The following LAMB3 variants were observed in gnomAD, a reference collection of about 807,000 sequenced individuals.
The protein encoded by LAMB3 is laminin subunit beta 3, also known as laminin subunit beta-3.
Under a neutral mutation model 140.3 loss-of-function variants are expected in LAMB3, and 104 were observed. The observed-to-expected ratio is 0.74, with a 90% confidence interval of 0.63 to 0.87. LAMB3 has a LOEUF of 0.87. LAMB3 is among the 40% of genes least tolerant of loss of function. The pLI is 0.00. For synonymous variants in LAMB3, 592 were observed against 602.9 expected, an observed-to-expected ratio of 0.98 and a Z score of 0.26; for missense variants, 1,531 against 1,575.2, an observed-to-expected ratio of 0.97 and a Z score of 0.47.
chr1:209,643,773 C>T (rs1484108191), intron 3 of LAMB3, among the ~76,000 whole-genome samples: 2 of 149,906 alleles, frequency 1.3e-5, no homozygotes, highest in Admixed American at 6.7e-5. Flanking sequence ...TAAGAAGCTA[C>T]GATCGGGTCA....
At chr1:209,646,760 G>A (rs549296307) in intron 3 of LAMB3, among the ~76,000 whole-genome samples, 57 of 152,364 alleles carry the variant, frequency 3.7e-4, no homozygotes, top group Admixed American at 2.5e-3. Context: ...GGATAGAACA[G>A]TTTGCATCTG....
chr1:209,645,775 T>G (rs1484163735), intron 3 of LAMB3, among the ~76,000 whole-genome samples: 1 of 150,006 alleles, frequency 6.7e-6, no homozygotes, highest in Admixed American at 6.6e-5. Flanking sequence ...CAAAATCCCT[T>G]GTGGGTTGAG....
chr1:209,647,744 A>G lies in LAMB3; in HGVS notation c.183+2220T>C, dbSNP rs1403026721. 3.9e-5 allele frequency among the ~76,000 whole-genome samples: 6 copies of G among 152,250 alleles called. 1 individual carries two copies. The highest frequency in any genetic ancestry group is 8.8e-5 in the Non-Finnish European group (6 of 68,018). On this transcript the variant is annotated intron_variant, in intron 3 of 22. Coordinates refer to ENST00000356082, the MANE Select transcript of LAMB3 (RefSeq NM_000228.3). The stretch of plus-strand genomic sequence containing the variant: ...CTATCTCTAACTACTCAGAAAACTC[A>G]ATACACGATATGTTTCTCTCGGAAG...
In LAMB3 at chr1:209,622,540, T is replaced by C. The variant is rs115431256; in HGVS notation, c.2697A>G (p.Leu899=). The stretch of plus-strand genomic sequence containing the variant: ...TGGGGTGGAGACTGGGCTCACCTGT[T>C]AGGAAGTCCCGGACCTGCTGGATTA... ...RLLIQQVRDF[L]TDPDTDAATI... The change falls in exon 18 of 23, where the codon CTA becomes CTG. Residue 899 remains leucine (L), a synonymous_variant. Transcript: ENST00000356082. 2.4e-5 allele frequency: 38 copies of C among 1,613,796 alleles called. No individual in the cohort carries two copies. The East Asian group carries it at 7.4e-4, about 31-fold the overall frequency.
intron 5 of LAMB3, among the ~76,000 whole-genome samples, chr1:209,636,666 C>T (rs1325204325): frequency 6.6e-6 from 1 of 152,170 alleles, no homozygotes; most frequent in Non-Finnish European, 1.5e-5. Context: ...CAGTCATATA[C>T]CTCATCTTCT....
chr1:209,637,823 C>G, intron 5 of LAMB3, 85 bp downstream of exon 5: 1 of 1,084,784 alleles, frequency 9.2e-7, no homozygotes, highest in South Asian at 1.3e-5. Flanking sequence ...CCCAGAGAGA[C>G]AAGGACACTG....
Position 209,625,989 on chromosome 1 carries a change from G to GC in LAMB3, c.1634dup (p.Cys546LeufsTer20). On this transcript the variant is annotated frameshift_variant, in exon 14 of 23. Coordinates refer to ENST00000356082, the MANE Select transcript of LAMB3 (RefSeq NM_000228.3). LOFTEE classifies it high-confidence loss of function. Reference sequence around the variant, plus strand: ...GGCAGCGGCCTGATGCCTTGTCGCAGCCCGGGCCCTCTGTTCCCCGGAAAT... The same window carrying GC: ...GGCAGCGGCCTGATGCCTTGTCGCAGCCCCGGGCCCTCTGTTCCCCGGAAAT... The GC allele has an allele frequency of 6.2e-7, 1 of 1,613,330 alleles. No individual in the cohort carries two copies.
chr1:209,641,732 C>T lies in LAMB3; in HGVS notation c.184-3084G>A, dbSNP rs141856676. 4.0e-3 allele frequency among the ~76,000 whole-genome samples: 611 copies of T among 152,330 alleles called. 5 individuals are homozygous for T. The highest frequency in any genetic ancestry group is 0.014 in the African/African-American group (579 of 41,566). ...CTCAGTTACCACAGAAACTGGAGACCTGTCGCTGGCTGAAATACCTGAGCA... is the reference window on the plus strand; with the variant it reads ...CTCAGTTACCACAGAAACTGGAGACTTGTCGCTGGCTGAAATACCTGAGCA... On this transcript the variant is annotated intron_variant, in intron 3 of 22. Transcript: ENST00000356082.
intron 4 of LAMB3, 70 bp downstream of exon 4, chr1:209,638,464 G>A: frequency 9.9e-7 from 1 of 1,013,662 alleles, no homozygotes; most frequent in Non-Finnish European, 1.6e-6. Context: ...AAGGGTTATA[G>A]GGCACCTTCC....
intron 13 of LAMB3, 89 bp downstream of exon 13, chr1:209,626,778 C>T: frequency 1.1e-6 from 1 of 908,026 alleles, no homozygotes; most frequent in Non-Finnish European, 1.8e-6. Flanking sequence ...GACATCCTGC[C>T]CTGCTGCAGA....
At chr1:209,620,792 C>G (rs912315972) in intron 18 of LAMB3, among the ~76,000 whole-genome samples, 4 of 152,182 alleles carry the variant, frequency 2.6e-5, no homozygotes, top group Non-Finnish European at 5.9e-5. Context: ...ACTTAATAAG[C>G]CTTAACTATT....
Position 209,650,914 on chromosome 1 carries a change from T to TA in LAMB3, c.28+2dup, listed in dbSNP as rs1427046204. The stretch of plus-strand genomic sequence containing the variant: ...GCCTGGAAGGATGGGAAGGGGTACT[T>TA]ACCAAAACACAAGAGGAAGAATGGT... On this transcript the variant is annotated splice_region_variant and intron_variant, in intron 2 of 22. Coordinates refer to ENST00000356082, the MANE Select transcript of LAMB3 (RefSeq NM_000228.3). 5 of 1,614,070 alleles carry TA rather than the reference T, an allele frequency of 3.1e-6. No homozygotes were observed. Among genetic ancestry groups the TA allele is most frequent in the Non-Finnish European group, 4.2e-6 (5 of 1,179,944 alleles).
At position 209,633,115 on chromosome 1, in the gene LAMB3, C is replaced by A. The variant is rs748912418; in HGVS notation, c.583G>T (p.Asp195Tyr). 4 of 1,612,648 alleles carry A rather than the reference C, an allele frequency of 2.5e-6. No homozygotes were observed. The highest frequency in any genetic ancestry group is 3.4e-6 in the Non-Finnish European group (4 of 1,178,674). Residue 195 changes from aspartate to tyrosine, a missense_variant, in exon 7 of 23, where the codon GAT becomes TAT. By Grantham distance (160) the Asp-to-Tyr change is radical. Transcript: ENST00000356082. ...GTTGCTGGAATCCCAGACACTAAAT[C>A]CATAAGGTTAAGTTGGACCTACAGA... Reference protein sequence around the residue: ...NGGKVQLNLMDLVSGIPATQS... With the variant: ...NGGKVQLNLMYLVSGIPATQS...
intron 13 of LAMB3, among the ~76,000 whole-genome samples, chr1:209,626,652 G>A (rs1356198765): frequency 1.3e-5 from 2 of 152,230 alleles, no homozygotes; most frequent in African/African-American, 4.8e-5. Flanking sequence ...AGCATGTCAC[G>A]GGGACGCAGG....
chr1:209,644,584 A>C (rs2076499083), intron 3 of LAMB3, among the ~76,000 whole-genome samples: 2 of 151,900 alleles, frequency 1.3e-5, no homozygotes, highest in South Asian at 4.1e-4. Context: ...TGACTCCAAA[A>C]CTACCTGTGC....
intron 19 of LAMB3, 33 bp downstream of exon 19, chr1:209,618,419 G>A (rs1361077838): frequency 7.5e-6 from 12 of 1,604,748 alleles, no homozygotes; most frequent in Middle Eastern, 3.9e-4. Context: ...GCTTAATCCT[G>A]GGCAGAGAGA....
At chr1:209,622,374 G>A (rs1046403108) in intron 18 of LAMB3, among the ~76,000 whole-genome samples, 162 bp downstream of exon 18, 2 of 152,184 alleles carry the variant, frequency 1.3e-5, no homozygotes, top group African/African-American at 2.4e-5. Context: ...GAGGGCAGAC[G>A]GGAGAACGAG....
In LAMB3 at chr1:209,638,554, C is replaced by T. The variant is rs771977502; in HGVS notation, c.278G>A (p.Arg93His). The T allele has an allele frequency of 9.3e-6, 15 of 1,611,972 alleles. No homozygotes were observed. Among genetic ancestry groups the T allele is most frequent in the African/African-American group, 6.7e-5 (5 of 74,874 alleles). The part of the protein sequence containing the change: ...ENVASSSGPM[R>H]WWQSQNDVNP... ...CTCACCATTCTGTGACTGCCACCAGCGCATGGGGCCGGAGGATGAAGCCAC... is the reference window on the plus strand; with the variant it reads ...CTCACCATTCTGTGACTGCCACCAGTGCATGGGGCCGGAGGATGAAGCCAC... The change falls in exon 4 of 23, where the codon CGC (arginine) becomes CAC (histidine). Residue 93 changes from arginine (R) to histidine (H), a missense_variant. Physicochemically the swap from Arg to His is conservative, Grantham distance 29. Coordinates refer to ENST00000356082, the MANE Select transcript of LAMB3 (RefSeq NM_000228.3).
At position 209,645,950 on chromosome 1, in the gene LAMB3, C is replaced by T. The variant is rs145263375; in HGVS notation, c.183+4014G>A. Among the ~76,000 whole-genome samples the T allele has an allele frequency of 6.5e-3, 990 of 152,294 alleles. 9 individuals carry two copies. Among genetic ancestry groups the T allele is most frequent in the African/African-American group, 0.023 (953 of 41,552 alleles). On this transcript the variant is annotated intron_variant, in intron 3 of 22. Coordinates refer to ENST00000356082, the MANE Select transcript of LAMB3 (RefSeq NM_000228.3). The stretch of plus-strand genomic sequence containing the variant: ...GTGCATTTACATGCATGTGCGCCTG[C>T]GCGTATTAGAGAGGAGGGACTTCCA...
Sources: gnomAD v4.1 joint callset for allele counts (sites outside exome capture counted in the v4.1 genomes callset) on GRCh38, gnomAD v4.1.1 for gene constraint, MANE v1.5 for transcripts, NCBI Gene and HGNC (gene_info 2026-07-23, HGNC 2026-07-21) for gene names.